APIP: variants seen among roughly 807,000 people sequenced by gnomAD.
APIP encodes the protein methylthioribulose-1-phosphate dehydratase.
Under a neutral mutation model 32.0 loss-of-function variants are expected in APIP, and 32 were observed. The ratio of observed to expected loss-of-function variants is 1.00; its 90% confidence interval spans 0.76 to 1.34. The LOEUF is 1.34. Among genes scored for constraint, APIP ranks in the 40% most tolerant of loss-of-function variants. The probability of loss-of-function intolerance (pLI) is 0.00; values close to 1 mark genes in which losing one functional copy is unlikely to be tolerated. For missense variants in APIP, 247 were observed against 298.6 expected (o/e 0.83, Z 1.27); for synonymous variants, 92 against 94.8 (o/e 0.97, Z 0.17).
At chr11:34,898,053 A>G (rs1376924081) in intron 1 of APIP, among the ~76,000 whole-genome samples, 1 of 151,896 alleles carries the variant, frequency 6.6e-6, no homozygotes, top group African/African-American at 2.4e-5. Flanking sequence ...TGTCCATGTT[A>G]TTTATCTAAA....
chr11:34,909,436 A>G (rs1853508421), intron 1 of APIP, among the ~76,000 whole-genome samples: 1 of 152,144 alleles, frequency 6.6e-6, no homozygotes, highest in South Asian at 2.1e-4. Flanking sequence ...AACGGCAGGG[A>G]TCAACTTTGA....
At position 34,916,333 on chromosome 11, in the gene APIP, G is replaced by T. The variant is rs1324448443; in HGVS notation, c.-49C>A. ...GCCTCCAATCTCCGCACGGCTTTGC[G>T]CGCGGCGCTTAGCCTGGGATACGGC... On this transcript the variant is annotated 5_prime_UTR_variant, in exon 1 of 7. Transcript: ENST00000395787. 3.1e-6 allele frequency: 5 copies of T among 1,603,816 alleles called. No homozygotes were observed. The highest frequency in any genetic ancestry group is 1.1e-5 in the South Asian group (1 of 89,722).
chr11:34,890,758 T>C, intron 2 of APIP: 1 of 424,756 alleles, frequency 2.4e-6, no homozygotes, highest in East Asian at 4.0e-5. Flanking sequence ...ATATTAGTTG[T>C]TGCTTTTGTC....
At chr11:34,898,419 C>T (rs572604984) in intron 1 of APIP, among the ~76,000 whole-genome samples, 1 of 152,178 alleles carries the variant, frequency 6.6e-6, no homozygotes, top group African/African-American at 2.4e-5. Context: ...CTTACCATCG[C>T]GTGAGGCTGG....
intron 1 of APIP, among the ~76,000 whole-genome samples, chr11:34,906,581 C>A (rs1299996292): frequency 2.0e-5 from 3 of 152,182 alleles, no homozygotes; most frequent in Non-Finnish European, 4.4e-5. Flanking sequence ...GGCACGACAG[C>A]AATCTACAGA....
At chr11:34,898,769 T>C (rs1487894951) in intron 1 of APIP, among the ~76,000 whole-genome samples, 1 of 144,462 alleles carries the variant, frequency 6.9e-6, no homozygotes, top group Non-Finnish European at 1.5e-5. Context: ...GGCGAGCACA[T>C]AGTATTTCTT....
chr11:34,888,370 A>G lies in APIP; in HGVS notation c.384T>C (p.Phe128=), dbSNP rs371243794. Residue 128 remains phenylalanine (F), a synonymous_variant, in exon 5 of 7, where the codon TTT becomes TTC. Transcript: ENST00000395787. ...GTGTAATTTTAAACTCCCGTCCTGG[A>G]AAGAGAAGTGTGGCCATCACAGCAG... ...SKAAVMATLL[F]PGREFKITHQ... The G allele has an allele frequency of 7.4e-6, 12 of 1,611,466 alleles. No individual in the cohort carries two copies. Among genetic ancestry groups the G allele is most frequent in the South Asian group, 5.5e-5 (5 of 90,320 alleles).
At chr11:34,912,174 T>G (rs558332705) in intron 1 of APIP, among the ~76,000 whole-genome samples, 495 of 152,252 alleles carry the variant, frequency 3.3e-3, no homozygotes, top group African/African-American at 0.011. Context: ...ATAATACACT[T>G]GATGCCTGAA....
chr11:34,901,595 C>A (rs1590710586), intron 1 of APIP, among the ~76,000 whole-genome samples: 1 of 152,176 alleles, frequency 6.6e-6, no homozygotes, highest in African/African-American at 2.4e-5. Context: ...AAAATTCTAA[C>A]CTGATATTTT....
At chr11:34,884,644 G>T (rs957133152) in intron 5 of APIP, among the ~76,000 whole-genome samples, 2 of 151,988 alleles carry the variant, frequency 1.3e-5, no homozygotes. Flanking sequence ...AGAATGGCTT[G>T]AGCCTGGGAG....
At chr11:34,901,767 G>A (rs941848754) in intron 1 of APIP, among the ~76,000 whole-genome samples, 1 of 152,168 alleles carries the variant, frequency 6.6e-6, no homozygotes, top group African/African-American at 2.4e-5. Flanking sequence ...CCCGATGGAA[G>A]CTAACATTAA....
chr11:34,900,269 T>TGATTCTGGAAATCAAAGGAAGGA (rs1239122957), intron 1 of APIP, among the ~76,000 whole-genome samples: 5 of 151,244 alleles, frequency 3.3e-5, no homozygotes, highest in African/African-American at 9.9e-5. Context: ...AGAGCTAAAG[T>TGATTCTGGAAATCAAAGGAAGGA]AGGTTCCAAA....
Position 34,916,299 on chromosome 11 carries a change from AC to A in APIP, c.-16del. 1.9e-6 allele frequency: 3 copies of A among 1,611,156 alleles called. No individual in the cohort carries two copies. In the African/African-American group the frequency reaches 4.0e-5, roughly 21 times the overall value. ...CAGCCAGACATGGCCCAGACCAGGG[AC>A]CCGCGCGGCCTCCAATCTCCGCACG... On this transcript the variant is annotated 5_prime_UTR_variant, in exon 1 of 7. Coordinates refer to ENST00000395787, the MANE Select transcript of APIP (RefSeq NM_015957.4).
intron 1 of APIP, among the ~76,000 whole-genome samples, chr11:34,906,825 C>G (rs976638398): frequency 6.6e-6 from 1 of 152,180 alleles, no homozygotes; most frequent in Non-Finnish European, 1.5e-5. Context: ...GAATTCTAGT[C>G]TTCTTTATGG....
intron 1 of APIP, among the ~76,000 whole-genome samples, chr11:34,898,222 TTTAAAA>T (rs1331433818): frequency 6.6e-6 from 1 of 152,034 alleles, no homozygotes; most frequent in Admixed American, 6.6e-5. Context: ...TGGCCTCTAT[TTTAAAA>T]TCAAATCAAA....
chr11:34,885,468 C>T (rs1386947489), intron 5 of APIP, among the ~76,000 whole-genome samples: 2 of 151,862 alleles, frequency 1.3e-5, no homozygotes, highest in African/African-American at 2.4e-5. Flanking sequence ...CAAGAGAGTA[C>T]GTTTGGAAGA....
At chr11:34,907,633 A>C (rs1209157854) in intron 1 of APIP, among the ~76,000 whole-genome samples, 1 of 152,342 alleles carries the variant, frequency 6.6e-6, no homozygotes, top group East Asian at 1.9e-4. Flanking sequence ...AGAATTGACA[A>C]GAAGGAAAGG....
chr11:34,909,101 G>C (rs2915207), intron 1 of APIP, among the ~76,000 whole-genome samples: 90,288 of 151,800 alleles, frequency 0.59, 28,035 homozygotes, highest in East Asian at 0.74. Flanking sequence ...CTGGAAGGAA[G>C]GGACTGTGAA....
intron 1 of APIP, among the ~76,000 whole-genome samples, chr11:34,908,143 C>T (rs929307237): frequency 2.0e-5 from 3 of 152,156 alleles, no homozygotes; most frequent in Non-Finnish European, 2.9e-5. Flanking sequence ...ATATAAGTAA[C>T]GAGGAATCCT....
Sources: gnomAD v4.1 joint callset for allele counts (sites outside exome capture counted in the v4.1 genomes callset) on GRCh38, gnomAD v4.1.1 for gene constraint, MANE v1.5 for transcripts, NCBI Gene and HGNC (gene_info 2026-07-23, HGNC 2026-07-21) for gene names.